ATP11A: variants seen among roughly 807,000 people sequenced by gnomAD.
The protein encoded by ATP11A is phospholipid-transporting ATPase IH.
In ATP11A, 81 loss-of-function variants were observed where a neutral mutation model predicts 154.4. The observed-to-expected ratio is 0.52, with a 90% CI of 0.44 to 0.63. The LOEUF is 0.63. Ranked by LOEUF, ATP11A falls within the 30% of genes least tolerant of loss-of-function variation. The probability of loss-of-function intolerance (pLI) is 0.00; values close to 1 mark genes in which losing one functional copy is unlikely to be tolerated. For synonymous variants in ATP11A, 623 were observed against 585.9 expected (o/e 1.06, Z -0.91); for missense variants, 1,316 against 1,474.3 (o/e 0.89, Z 1.76).
intron 17 of ATP11A, among the ~76,000 whole-genome samples, chr13:112,847,873 G>T (rs2873375): frequency 1.3e-5 from 2 of 152,274 alleles, no homozygotes; most frequent in South Asian, 2.1e-4. Flanking sequence ...ATCACTTGAG[G>T]CCAGAAGTTT....
chr13:112,796,837 C>T (rs1387661444), intron 2 of ATP11A, among the ~76,000 whole-genome samples: 2 of 151,648 alleles, frequency 1.3e-5, no homozygotes, highest in Non-Finnish European at 2.9e-5. Flanking sequence ...ATTTGTAATA[C>T]AGGCTGCTCA....
intron 2 of ATP11A, among the ~76,000 whole-genome samples, chr13:112,790,937 A>G (rs1458621291): frequency 6.6e-6 from 1 of 152,240 alleles, no homozygotes; most frequent in African/African-American, 2.4e-5. Context: ...GCTGAAAAAC[A>G]AAGTCCCAAC....
chr13:112,834,630 A>T lies in ATP11A; in HGVS notation c.1601A>T (p.Glu534Val). 1 of 1,614,020 alleles carries T rather than the reference A, an allele frequency of 6.2e-7. No individual in the cohort carries two copies. The highest frequency in any genetic ancestry group is 8.5e-7 in the Non-Finnish European group (1 of 1,179,886). ...TYLRLKDNYM[E>V]ILNRENHIER... The stretch of plus-strand genomic sequence containing the variant: ...CTAAGGCTGAAGGACAATTACATGG[A>T]GATATTAAACAGGGAGAACCACATC... The change falls in exon 15 of 30, where the codon GAG (glutamate) becomes GTG (valine). Residue 534 changes from glutamate (E) to valine (V), a missense_variant. Physicochemically the swap from Glu to Val is moderately radical, Grantham distance 121 (BLOSUM62 -2). This residue lies in a region of ATP11A where 876 missense variants were observed against 1,006.8 expected (regional missense o/e 0.87). Coordinates refer to ENST00000375645, the MANE Select transcript of ATP11A (RefSeq NM_015205.3).
intron 16 of ATP11A, among the ~76,000 whole-genome samples, chr13:112,839,965 G>A (rs1230714765): frequency 2.6e-5 from 4 of 152,110 alleles, no homozygotes; most frequent in African/African-American, 9.7e-5. Context: ...TCGGGAAACG[G>A]CTCTGACATC....
chr13:112,805,184 T>A, intron 3 of ATP11A, 138 bp downstream of exon 3: 1 of 613,802 alleles, frequency 1.6e-6, no homozygotes, highest in Non-Finnish European at 2.7e-6. Flanking sequence ...ATTTATTTTC[T>A]TAAGGAAGGG....
In ATP11A at chr13:112,855,962, G is replaced by A. The variant is rs756364039; in HGVS notation, c.2295G>A (p.Leu765=). ...GTTTAATTATCGACGGAGCTGCACTGTCTCTGATAATGAAGCCTCGAGAAG... is the reference window on the plus strand; with the variant it reads ...GTTTAATTATCGACGGAGCTGCACTATCTCTGATAATGAAGCCTCGAGAAG... ...DYGLIIDGAA[L]SLIMKPREDG... Residue 765 remains leucine (L), a synonymous_variant, in exon 20 of 30, where the codon CTG becomes CTA. Coordinates refer to ENST00000375645, the MANE Select transcript of ATP11A (RefSeq NM_015205.3). 3 of 1,614,212 alleles carry A rather than the reference G, an allele frequency of 1.9e-6. No individual in the cohort carries two copies. Among genetic ancestry groups the A allele is most frequent in the South Asian group, 2.2e-5 (2 of 91,078 alleles).
At chr13:112,692,240 G>GC (rs1885283467) in intron 1 of ATP11A, among the ~76,000 whole-genome samples, 1 of 152,174 alleles carries the variant, frequency 6.6e-6, no homozygotes, top group Non-Finnish European at 1.5e-5. Context: ...CACTCACTTT[G>GC]CCCGCGGTGT....
At chr13:112,747,843 A>C (rs1464025684) in intron 1 of ATP11A, among the ~76,000 whole-genome samples, 7 of 152,228 alleles carry the variant, frequency 4.6e-5, no homozygotes, top group Non-Finnish European at 1.0e-4. Flanking sequence ...ATCTCAAAAA[A>C]AAAACAAAAC....
chr13:112,880,487 G>A (rs1270316686), intron 29 of ATP11A: 55 of 1,252,512 alleles, frequency 4.4e-5, no homozygotes, highest in South Asian at 6.4e-5. Flanking sequence ...GCAGAGGCCC[G>A]AGCACTCCTG....
At chr13:112,836,651 G>A (rs937069678) in intron 16 of ATP11A, among the ~76,000 whole-genome samples, 2 of 152,222 alleles carry the variant, frequency 1.3e-5, no homozygotes, top group East Asian at 1.9e-4. Context: ...GGTAATGTGG[G>A]TTTGCAAATG....
At chr13:112,763,794 C>G (rs2077014695) in intron 1 of ATP11A, among the ~76,000 whole-genome samples, 1 of 152,174 alleles carries the variant, frequency 6.6e-6, no homozygotes, top group Admixed American at 6.5e-5. Context: ...TGGAGGCTCC[C>G]CCACCCCCTG....
chr13:112,841,048 C>T (rs58865138), intron 16 of ATP11A, among the ~76,000 whole-genome samples: 4 of 152,270 alleles, frequency 2.6e-5, no homozygotes, highest in Admixed American at 2.0e-4. Context: ...CCCACCCTGC[C>T]GTCACCGCGC....
At chr13:112,757,713 T>C (rs2076873981) in intron 1 of ATP11A, among the ~76,000 whole-genome samples, 1 of 152,248 alleles carries the variant, frequency 6.6e-6, no homozygotes. Flanking sequence ...GAGACATTGT[T>C]AAACATTAAA....
intron 2 of ATP11A, among the ~76,000 whole-genome samples, chr13:112,796,084 T>C (rs1428708605): frequency 6.6e-6 from 1 of 152,254 alleles, no homozygotes; most frequent in Non-Finnish European, 1.5e-5. Context: ...GTGCCTATAC[T>C]TTTATTGGCA....
rs1892115822 is a variant in ATP11A, at chr13:112,746,218, TG to T, written c.40-38916del. 2.0e-5 allele frequency: 3 copies of T among 152,294 alleles called. No individual in the cohort carries two copies. The highest frequency in any genetic ancestry group is 4.4e-5 in the Non-Finnish European group (3 of 68,088). The allele number at this position is 152,294 out of a possible 1,614,324, so 9.4% of individuals were successfully genotyped here. A position where few individuals can be genotyped will look rare whatever the true frequency, so the allele number is the denominator to read the frequency against. ...CCAGAGGTGGCACTGCTGGATCCTGTGCTGGGTCATACCTATGTTTAATTCT... is the reference window on the plus strand; with the variant it reads ...CCAGAGGTGGCACTGCTGGATCCTGTCTGGGTCATACCTATGTTTAATTCT... On this transcript the variant is annotated intron_variant, in intron 1 of 29. Coordinates refer to ENST00000375645, the MANE Select transcript of ATP11A (RefSeq NM_015205.3). This position sits in a 1 kb window ranked among gnomAD's most constrained non-coding sequence, Gnocchi z 4.1.
chr13:112,788,591 A>G (rs2077730455), intron 2 of ATP11A, among the ~76,000 whole-genome samples: 1 of 149,892 alleles, frequency 6.7e-6, no homozygotes. Flanking sequence ...CCTGATGTGT[A>G]GACCCCTGCG....
chr13:112,805,032 A>G lies in ATP11A; in HGVS notation c.238A>G (p.Ile80Val). 6.2e-6 allele frequency: 10 copies of G among 1,610,248 alleles called. No homozygotes were observed. The highest frequency in any genetic ancestry group is 8.5e-6 in the Non-Finnish European group (10 of 1,178,082). Reference sequence around the variant, plus strand: ...AGTAGCCAACTTTTATTTCCTTATCATATTTCTGGTGCAGGTAAGGCCGGT... The same window carrying G: ...AGTAGCCAACTTTTATTTCCTTATCGTATTTCTGGTGCAGGTAAGGCCGGT... ...RRVANFYFLI[I>V]FLVQLIIDTP... Residue 80 changes from isoleucine to valine, a missense_variant, in exon 3 of 30, where the codon ATA becomes GTA. This residue lies in a region of ATP11A where 123 missense variants were observed against 113.7 expected (regional missense o/e 1.08). Transcript: ENST00000375645.
At chr13:112,834,532 A>C (rs1483432380) in intron 14 of ATP11A, 57 bp from the exon 15 acceptor site, 1 of 1,134,722 alleles carries the variant, frequency 8.8e-7, no homozygotes, top group Non-Finnish European at 1.3e-6. Context: ...CAAATACTCT[A>C]TGAAAGAGGA....
chr13:112,780,850 G>T (rs1475089339), intron 1 of ATP11A, among the ~76,000 whole-genome samples: 1 of 152,120 alleles, frequency 6.6e-6, no homozygotes, highest in East Asian at 1.9e-4. Flanking sequence ...GAAGCCTCTG[G>T]CCGTGGGTGG....
Sources: gnomAD v4.1 joint callset for allele counts (sites outside exome capture counted in the v4.1 genomes callset) on GRCh38, gnomAD v4.1.1 for gene constraint, gnomAD v4.1.1 regional missense constraint, Gnocchi (gnomAD v3.1) non-coding constraint, MANE v1.5 for transcripts, NCBI Gene and HGNC (gene_info 2026-07-23, HGNC 2026-07-21) for gene names.